CCDC102B: variants seen among roughly 807,000 people sequenced by gnomAD.
CCDC102B encodes the protein coiled-coil domain containing 102B.
Under a neutral mutation model 57.4 loss-of-function variants are expected in CCDC102B, and 75 were observed. That is an observed-to-expected ratio of 1.31 (90% CI 1.08 to 1.58). The LOEUF is 1.58. CCDC102B is among the 40% of genes most tolerant of loss of function. The pLI, the probability that CCDC102B is intolerant of heterozygous loss-of-function variation, is 0.00. For synonymous variants in CCDC102B, 206 were observed against 201.9 expected (o/e 1.02, Z -0.17); for missense variants, 636 against 582.6 (o/e 1.09, Z -0.94).
At chr18:68,785,927 G>C (rs1009532620) in intron 2 of CCDC102B, among the ~76,000 whole-genome samples, 2 of 151,626 alleles carry the variant, frequency 1.3e-5, no homozygotes, top group African/African-American at 4.8e-5. Context: ...GAATGGTAAA[G>C]CCTAGGTTTT....
chr18:68,808,335 G>C (rs1044300641), intron 1 of CCDC102B, among the ~76,000 whole-genome samples: 1 of 151,870 alleles, frequency 6.6e-6, no homozygotes, highest in African/African-American at 2.4e-5. Context: ...TCAGCATTTT[G>C]TCAATATATT....
chr18:68,980,403 A>T (rs2050548626), intron 6 of CCDC102B, among the ~76,000 whole-genome samples: 1 of 151,890 alleles, frequency 6.6e-6, no homozygotes, highest in South Asian at 2.1e-4. Flanking sequence ...GTGAAAAAAA[A>T]AAAAAAATTC....
chr18:68,721,399 C>A (rs948831232), intron 2 of CCDC102B: 1 of 152,160 alleles, frequency 6.6e-6, no homozygotes, highest in African/African-American at 2.4e-5. Flanking sequence ...ACTGCCTCTA[C>A]CAGGGGAACC....
At chr18:68,813,091 T>C (rs8099269) in intron 1 of CCDC102B, among the ~76,000 whole-genome samples, 26,513 of 151,970 alleles carry the variant, frequency 0.17, 2,645 homozygotes, top group East Asian at 0.35. Context: ...GATTGAATCA[T>C]GAGAATGGAC....
At chr18:68,756,247 T>A (rs889510320) in intron 2 of CCDC102B, among the ~76,000 whole-genome samples, 6 of 151,662 alleles carry the variant, frequency 4.0e-5, no homozygotes, top group African/African-American at 1.5e-4. Context: ...TAAATTTATA[T>A]CAATAAGTTA....
intron 6 of CCDC102B, among the ~76,000 whole-genome samples, chr18:68,986,325 A>G (rs755480463): frequency 1.3e-5 from 2 of 152,212 alleles, no homozygotes; most frequent in Non-Finnish European, 2.9e-5. Flanking sequence ...CCTGGGATGC[A>G]AGTCGGGTTC....
intron 1 of CCDC102B, among the ~76,000 whole-genome samples, chr18:68,819,932 C>T (rs868303747): frequency 3.5e-4 from 53 of 152,104 alleles, no homozygotes; most frequent in Middle Eastern, 3.4e-3. Context: ...GACTTTAGAT[C>T]AGTAACTTTA....
rs543374805 is a variant in CCDC102B at position 68,931,473 on chromosome 18, G to A, written c.1263+34045G>A. 2.0e-5 allele frequency among the ~76,000 whole-genome samples: 3 copies of A among 151,774 alleles called. No individual in the cohort carries two copies. The South Asian group carries it at 6.2e-4, about 32-fold the overall frequency. ...ATTCTCAACATGGGCCATATCATCT[G>A]GGGGTGAAGATTTTTTCGGTTGGGG... On this transcript the variant is annotated intron_variant, in intron 6 of 7. Transcript: ENST00000360242.
At chr18:68,805,174 C>A (rs780722966) in intron 1 of CCDC102B, among the ~76,000 whole-genome samples, 3 of 152,196 alleles carry the variant, frequency 2.0e-5, no homozygotes, top group African/African-American at 7.2e-5. Context: ...AATAGAAAAA[C>A]CCCCGCAATC....
chr18:68,995,341 C>T (rs1313357895), intron 6 of CCDC102B, among the ~76,000 whole-genome samples: 1 of 152,154 alleles, frequency 6.6e-6, no homozygotes, highest in Admixed American at 6.5e-5. Flanking sequence ...ATTGCCAAAA[C>T]AATGGGGAGA....
intron 6 of CCDC102B, among the ~76,000 whole-genome samples, chr18:69,002,228 T>C (rs2145363549): frequency 6.6e-6 from 1 of 152,286 alleles, no homozygotes. Context: ...CAGTTATTTC[T>C]TGCCCGCCCG....
chr18:68,943,925 A>G (rs1162755378), intron 6 of CCDC102B, among the ~76,000 whole-genome samples: 4 of 152,164 alleles, frequency 2.6e-5, no homozygotes, highest in African/African-American at 7.2e-5. Flanking sequence ...TAAAAGACAA[A>G]TGGTTACAAA....
chr18:68,928,228 G>T (rs2041544869), intron 6 of CCDC102B, among the ~76,000 whole-genome samples: 1 of 151,860 alleles, frequency 6.6e-6, no homozygotes, highest in Non-Finnish European at 1.5e-5. Context: ...AGTACTATAC[G>T]GATCAGGACA....
At chr18:68,724,976 C>A (rs1219360388) in intron 2 of CCDC102B, among the ~76,000 whole-genome samples, 1 of 152,196 alleles carries the variant, frequency 6.6e-6, no homozygotes, top group Non-Finnish European at 1.5e-5. Flanking sequence ...AATTGACTCA[C>A]AATTCTGCAT....
intron 7 of CCDC102B, among the ~76,000 whole-genome samples, chr18:69,022,050 T>G (rs79201257): frequency 0.029 from 4,484 of 152,202 alleles, 145 homozygotes; most frequent in East Asian, 0.15. Flanking sequence ...CTTTTCTGAG[T>G]TGTATATGAG....
chr18:68,926,967 T>C (rs866032980), intron 6 of CCDC102B, among the ~76,000 whole-genome samples: 1 of 152,008 alleles, frequency 6.6e-6, no homozygotes, highest in South Asian at 2.1e-4. Context: ...ATTAGATTTT[T>C]ACAAGTCAGA....
intron 2 of CCDC102B, among the ~76,000 whole-genome samples, chr18:68,745,774 C>T (rs2033596185): frequency 6.6e-6 from 1 of 152,140 alleles, no homozygotes. Context: ...CACGATTTTC[C>T]TTTCTACTTC....
chr18:69,043,242 G>T (rs1454716828), intron 7 of CCDC102B, among the ~76,000 whole-genome samples: 1 of 152,108 alleles, frequency 6.6e-6, no homozygotes. Flanking sequence ...CAGCCCTAAG[G>T]AGGTTTTTCC....
In CCDC102B at chr18:68,976,003, G is replaced by A. The variant is rs141383791; in HGVS notation, c.1264-34931G>A. The stretch of plus-strand genomic sequence containing the variant: ...CATAAGAGTCAATAGAAATACAGAT[G>A]CCTTTCACAGATGTTTGCTTTGAAG... On this transcript the variant is annotated intron_variant, in intron 6 of 7. Coordinates refer to ENST00000360242, the MANE Select transcript of CCDC102B (RefSeq NM_024781.3). 4.1e-3 allele frequency among the ~76,000 whole-genome samples: 625 copies of A among 152,078 alleles called. 5 individuals are homozygous for A. The highest frequency in any genetic ancestry group is 0.014 in the African/African-American group (571 of 41,520).
Sources: allele counts gnomAD v4.1 joint callset (sites outside exome capture counted in the v4.1 genomes callset), GRCh38; gene constraint gnomAD v4.1.1; transcripts MANE v1.5; gene names NCBI Gene and HGNC (gene_info 2026-07-23, HGNC 2026-07-21).